Variants in ITM2B observed in about 807,000 individuals in gnomAD.
ITM2B encodes ABri/ADan amyloid peptide.
A neutral mutation model predicts 27.8 loss-of-function variants in ITM2B; 11 were observed. The ratio of observed to expected loss-of-function variants is 0.40; its 90% CI spans 0.25 to 0.66. The LOEUF (loss-of-function observed/expected upper bound fraction) is 0.66, where lower values mean the gene tolerates loss of function less well. Among genes scored for constraint, ITM2B ranks in the 30% least tolerant of loss-of-function variants. The pLI, the probability that ITM2B is intolerant of heterozygous loss-of-function variation, is 0.43. For missense variants in ITM2B, 296 were observed against 328.9 expected (o/e 0.90, Z 0.77); for synonymous variants, 114 against 114.3 (o/e 1.00, Z 0.02).
chr13:48,238,339 C>G (rs1052282545), intron 1 of ITM2B, among the ~76,000 whole-genome samples: 2 of 152,050 alleles, frequency 1.3e-5, no homozygotes, highest in African/African-American at 4.8e-5. Context: ...ATTGTGCATT[C>G]TTTAAGCTCT....
At chr13:48,253,135 ATCTT>A (rs1951763893) in intron 1 of ITM2B, among the ~76,000 whole-genome samples, 1 of 152,182 alleles carries the variant, frequency 6.6e-6, no homozygotes, top group South Asian at 2.1e-4. Context: ...TACTGCTTCT[ATCTT>A]TAAAAGAAAG....
chr13:48,235,829 C>T (rs1046161542), intron 1 of ITM2B, among the ~76,000 whole-genome samples: 2 of 152,158 alleles, frequency 1.3e-5, no homozygotes, highest in Non-Finnish European at 2.9e-5. Context: ...ATCTTTAACC[C>T]TCCCAGATCA....
intron 2 of ITM2B, 25 bp downstream of exon 2, chr13:48,253,961 C>A: frequency 1.9e-6 from 3 of 1,586,372 alleles, no homozygotes; most frequent in South Asian, 1.1e-5. Context: ...TATTTTGTGT[C>A]TCTGATTTTT....
chr13:48,249,266 A>C (rs924329046), intron 1 of ITM2B, among the ~76,000 whole-genome samples: 3 of 152,138 alleles, frequency 2.0e-5, no homozygotes, highest in African/African-American at 7.2e-5. Context: ...TTTTGTGCTA[A>C]ACTTCTTTCA....
chr13:48,235,326 C>T (rs1258323464), intron 1 of ITM2B, among the ~76,000 whole-genome samples: 2 of 152,166 alleles, frequency 1.3e-5, no homozygotes, highest in Non-Finnish European at 2.9e-5. Context: ...TAGCTCCGTG[C>T]TTTGTTTTCC....
chr13:48,248,993 C>T (rs943967030), intron 1 of ITM2B, among the ~76,000 whole-genome samples: 1 of 152,168 alleles, frequency 6.6e-6, no homozygotes, highest in Non-Finnish European at 1.5e-5. Context: ...ATTTCTTCCC[C>T]ACCCTCCATA....
At chr13:48,246,362 C>T (rs746307971) in intron 1 of ITM2B, among the ~76,000 whole-genome samples, 4 of 152,172 alleles carry the variant, frequency 2.6e-5, no homozygotes, top group Admixed American at 1.3e-4. Context: ...ACAGTCAAGA[C>T]AGCAGCAATC....
At chr13:48,248,567 TA>T (rs1170129759) in intron 1 of ITM2B, among the ~76,000 whole-genome samples, 1 of 152,210 alleles carries the variant, frequency 6.6e-6, no homozygotes, top group Non-Finnish European at 1.5e-5. Flanking sequence ...ATCCAGGATT[TA>T]TACCTAGGAA....
At chr13:48,250,676 T>C (rs1044465671) in intron 1 of ITM2B, among the ~76,000 whole-genome samples, 7 of 152,036 alleles carry the variant, frequency 4.6e-5, no homozygotes, top group Non-Finnish European at 1.0e-4. Context: ...TGCCAGCTAA[T>C]GCCAAGCCTA....
intron 5 of ITM2B, among the ~76,000 whole-genome samples, chr13:48,260,530 C>G (rs1353493021): frequency 3.3e-5 from 5 of 151,932 alleles, no homozygotes; most frequent in African/African-American, 1.2e-4. Context: ...CCCTCCCTTC[C>G]TTATAGTCCT....
chr13:48,247,804 C>CT (rs1951732337), intron 1 of ITM2B, among the ~76,000 whole-genome samples: 1 of 152,174 alleles, frequency 6.6e-6, no homozygotes, highest in African/African-American at 2.4e-5. Flanking sequence ...GAGAGTGCTC[C>CT]TGAAAGCCAG....
At chr13:48,253,230 C>T (rs1951764447) in intron 1 of ITM2B, among the ~76,000 whole-genome samples, 1 of 152,018 alleles carries the variant, frequency 6.6e-6, no homozygotes, top group South Asian at 2.1e-4. Flanking sequence ...TAATTTTGTC[C>T]TATTTTTTGA....
chr13:48,237,563 A>G (rs1010839240), intron 1 of ITM2B, among the ~76,000 whole-genome samples: 2 of 152,212 alleles, frequency 1.3e-5, no homozygotes, highest in Non-Finnish European at 2.9e-5. Context: ...GACATATAAA[A>G]GGTTTATGTG....
chr13:48,261,051 A>G (rs1456354181), intron 5 of ITM2B, 88 bp from the exon 6 acceptor site: 5 of 859,544 alleles, frequency 5.8e-6, no homozygotes, highest in African/African-American at 1.7e-5. Flanking sequence ...AAATACTTCT[A>G]TATGTCTAAA....
At chr13:48,247,408 C>G (rs904783009) in intron 1 of ITM2B, among the ~76,000 whole-genome samples, 1 of 151,932 alleles carries the variant, frequency 6.6e-6, no homozygotes, top group Non-Finnish European at 1.5e-5. Context: ...TCATTAGTAT[C>G]CTGATTCCTA....
chr13:48,243,989 G>A (rs1010647192), intron 1 of ITM2B, among the ~76,000 whole-genome samples: 2 of 152,100 alleles, frequency 1.3e-5, no homozygotes, highest in Non-Finnish European at 2.9e-5. Flanking sequence ...GCAGCACATA[G>A]AGTCAAGATA....
rs1192854227 is a variant in ITM2B, at chr13:48,233,378, C to T, written c.18C>T (p.Phe6=). ...GCCGCGCCATGGTGAAGGTGACGTT[C>T]AACTCCGCTCTGGCCCAGAAGGAGG... is the stretch of plus-strand genomic sequence containing the variant. The part of the protein sequence containing the change: MVKVT[F]NSALAQKEAK... The change falls in exon 1 of 6, where the codon TTC becomes TTT. Residue 6 remains phenylalanine (F), a synonymous_variant. Transcript: ENST00000647800. The T allele has an allele frequency of 6.4e-7, 1 of 1,563,832 alleles. No individual in the cohort carries two copies. Among genetic ancestry groups the T allele is most frequent in the Non-Finnish European group, 8.6e-7 (1 of 1,157,460 alleles).
intron 3 of ITM2B, among the ~76,000 whole-genome samples, chr13:48,257,547 G>A (rs1951797020): frequency 6.6e-6 from 1 of 152,122 alleles, no homozygotes; most frequent in African/African-American, 2.4e-5. Context: ...TTATTTCAAG[G>A]AAATAAACTT....
Position 48,242,412 on chromosome 13 carries a change from T to TC in ITM2B, c.117+8935_117+8936insC, listed in dbSNP as rs1200783339. On this transcript the variant is annotated intron_variant, in intron 1 of 5. Transcript: ENST00000647800. The stretch of plus-strand genomic sequence containing the variant: ...AAGTTTCTTTCTTTCTTTCTTTCTT[T>TC]TTTTTTTGATGATTTCTTGCCCATC... 5.3e-5 allele frequency among the ~76,000 whole-genome samples: 8 copies of TC among 152,052 alleles called. No individual in the cohort carries two copies. In the East Asian group the frequency reaches 1.4e-3, roughly 26 times the overall value.
Sources: gnomAD v4.1 joint callset for allele counts (sites outside exome capture counted in the v4.1 genomes callset) on GRCh38, gnomAD v4.1.1 for gene constraint, MANE v1.5 for transcripts, NCBI Gene and HGNC (gene_info 2026-07-23, HGNC 2026-07-21) for gene names.